The following SLC2A13 variants were observed in gnomAD, a reference collection of about 807,000 sequenced individuals.
SLC2A13 encodes the protein solute carrier family 2 member 13.
A neutral mutation model predicts 64.4 loss-of-function variants in SLC2A13; 32 were observed. That is an observed-to-expected ratio of 0.50 (90% CI 0.37 to 0.67). The LOEUF (loss-of-function observed/expected upper bound fraction) is 0.67. Ranked by LOEUF, SLC2A13 falls within the 30% of genes least tolerant of loss-of-function variation. The pLI is 0.00. For synonymous variants in SLC2A13, 338 were observed against 327.1 expected (o/e 1.03, Z -0.36); for missense variants, 743 against 829.2 (o/e 0.90, Z 1.28).
intron 3 of SLC2A13, among the ~76,000 whole-genome samples, chr12:39,970,621 C>T (rs939431243): frequency 6.6e-6 from 1 of 152,158 alleles, no homozygotes; most frequent in Admixed American, 6.6e-5. Context: ...GGTAATTCTA[C>T]CATGGCCTGT....
rs145198900 is a variant in SLC2A13 at position 39,945,122 on chromosome 12, T to G, written c.1034+6135A>C. 3.3e-3 allele frequency among the ~76,000 whole-genome samples: 496 copies of G among 152,326 alleles called. 4 individuals are homozygous for G. Among genetic ancestry groups the G allele is most frequent in the African/African-American group, 0.011 (475 of 41,568 alleles). ...TGTATCCTTCCTTCATATATGATGC[T>G]TAGTTTCTCTGGAAACAAAATTCTT... On this transcript the variant is annotated intron_variant, in intron 4 of 9. Coordinates refer to ENST00000280871, the MANE Select transcript of SLC2A13 (RefSeq NM_052885.4).
chr12:39,760,838 G>T (rs565596000), intron 9 of SLC2A13, among the ~76,000 whole-genome samples: 10 of 151,680 alleles, frequency 6.6e-5, no homozygotes, highest in Admixed American at 5.9e-4. Flanking sequence ...AGCCTAGATG[G>T]ATGAGATATA....
At chr12:40,090,849 T>A (rs1339803418) in intron 1 of SLC2A13, among the ~76,000 whole-genome samples, 1 of 152,216 alleles carries the variant, frequency 6.6e-6, no homozygotes, top group African/African-American at 2.4e-5. Context: ...CTATTTTATA[T>A]TATCTATGAA....
At chr12:39,878,653 A>C (rs1944257645) in intron 4 of SLC2A13, among the ~76,000 whole-genome samples, 1 of 152,328 alleles carries the variant, frequency 6.6e-6, no homozygotes, top group African/African-American at 2.4e-5. Flanking sequence ...GGAGAAAAGG[A>C]ATTACTTAAA....
At chr12:39,825,761 A>G (rs1942651374) in intron 7 of SLC2A13, among the ~76,000 whole-genome samples, 1 of 152,072 alleles carries the variant, frequency 6.6e-6, no homozygotes, top group Admixed American at 6.6e-5. Context: ...TTCTTTAAGA[A>G]CTTTTATTTT....
rs1478766505 is a variant in SLC2A13 at position 40,105,338 on chromosome 12, G to C, written c.471C>G (p.Leu157=). The C allele has an allele frequency of 1.3e-6, 2 of 1,596,052 alleles. No homozygotes were observed. The highest frequency in any genetic ancestry group is 2.3e-5 in the East Asian group (1 of 44,014). Residue 157 remains leucine (L), a synonymous_variant, in exon 1 of 10, where the codon CTC becomes CTG. Transcript: ENST00000280871. This position sits in a 1 kb window ranked among gnomAD's most constrained non-coding sequence, Gnocchi z 4.2. The part of the protein sequence containing the change: ...RRAAILLASA[L]FTAGSAVLAA... Reference sequence around the variant, plus strand: ...CCAGCACCGCGGAGCCGGCGGTGAAGAGGGCACTGGCCAGGAGGATGGCAG... The same window carrying C: ...CCAGCACCGCGGAGCCGGCGGTGAACAGGGCACTGGCCAGGAGGATGGCAG...
intron 4 of SLC2A13, among the ~76,000 whole-genome samples, chr12:39,879,830 C>T (rs957561046): frequency 1.3e-5 from 2 of 152,090 alleles, no homozygotes; most frequent in Non-Finnish European, 2.9e-5. Flanking sequence ...GTGAGAAGGA[C>T]ATGAGATTTG....
chr12:39,836,547 T>C (rs1271713922), intron 6 of SLC2A13, among the ~76,000 whole-genome samples: 2 of 151,270 alleles, frequency 1.3e-5, no homozygotes, highest in African/African-American at 4.9e-5. Context: ...GGAAGTCAAA[T>C]TGTCCCTGTT....
At chr12:39,780,774 T>G (rs1213265129) in intron 7 of SLC2A13, among the ~76,000 whole-genome samples, 2 of 152,154 alleles carry the variant, frequency 1.3e-5, no homozygotes, top group African/African-American at 2.4e-5. Flanking sequence ...TAATAATACA[T>G]ACACGAAAAC....
chr12:39,895,261 C>T (rs12424971), intron 4 of SLC2A13, among the ~76,000 whole-genome samples: 5,236 of 151,626 alleles, frequency 0.035, 210 homozygotes, highest in Admixed American at 0.12. Context: ...AAGGCCGAGG[C>T]GGGCGGATCA....
At chr12:39,841,499 T>C (rs1466286144) in intron 6 of SLC2A13, among the ~76,000 whole-genome samples, 1 of 152,104 alleles carries the variant, frequency 6.6e-6, no homozygotes, top group Non-Finnish European at 1.5e-5. Flanking sequence ...ATCAACATAG[T>C]TAAAAACCTC....
At chr12:40,065,013 C>T (rs975216134) in intron 1 of SLC2A13, among the ~76,000 whole-genome samples, 7 of 152,032 alleles carry the variant, frequency 4.6e-5, no homozygotes, top group African/African-American at 1.2e-4. Flanking sequence ...ATTTCTAATT[C>T]GTTCAGCAAA....
intron 7 of SLC2A13, among the ~76,000 whole-genome samples, chr12:39,793,229 C>A (rs1330470931): frequency 6.6e-6 from 1 of 152,130 alleles, no homozygotes; most frequent in South Asian, 2.1e-4. Flanking sequence ...AAAGAAAATT[C>A]TATTTATAAT....
intron 4 of SLC2A13, among the ~76,000 whole-genome samples, chr12:39,885,198 T>C (rs1037152504): frequency 1.3e-5 from 2 of 152,144 alleles, no homozygotes; most frequent in African/African-American, 4.8e-5. Flanking sequence ...GAACAGGAGC[T>C]AGGAAGGCCA....
At chr12:40,047,252 C>T (rs527456370) in intron 2 of SLC2A13, among the ~76,000 whole-genome samples, 3 of 152,266 alleles carry the variant, frequency 2.0e-5, no homozygotes, top group Non-Finnish European at 4.4e-5. Flanking sequence ...ACTGTAAAAG[C>T]CATGCAAACA....
chr12:39,766,814 C>T (rs1015393073), intron 7 of SLC2A13, among the ~76,000 whole-genome samples: 1 of 152,040 alleles, frequency 6.6e-6, no homozygotes, highest in Admixed American at 6.6e-5. Flanking sequence ...CTTATCCGTT[C>T]AAGTTTTATC....
At chr12:40,028,598 T>C in intron 2 of SLC2A13, 89 bp from the exon 3 acceptor site, 1 of 1,231,318 alleles carries the variant, frequency 8.1e-7, no homozygotes, top group Non-Finnish European at 1.1e-6. Flanking sequence ...TTGACAACAA[T>C]AATACTTACT....
At chr12:39,813,725 G>A (rs1307324793) in intron 7 of SLC2A13, among the ~76,000 whole-genome samples, 1 of 152,084 alleles carries the variant, frequency 6.6e-6, no homozygotes, top group Non-Finnish European at 1.5e-5. Flanking sequence ...GAAGCTTCAG[G>A]GAGACTTGAA....
intron 3 of SLC2A13, among the ~76,000 whole-genome samples, chr12:39,984,956 C>T (rs576705063): frequency 2.0e-5 from 3 of 152,204 alleles, no homozygotes; most frequent in African/African-American, 7.2e-5. Flanking sequence ...AAGAATCTGA[C>T]AATGATTTTT....
Sources: gnomAD v4.1 joint callset for allele counts (sites outside exome capture counted in the v4.1 genomes callset) on GRCh38, gnomAD v4.1.1 for gene constraint, Gnocchi (gnomAD v3.1) non-coding constraint, MANE v1.5 for transcripts, NCBI Gene and HGNC (gene_info 2026-07-23, HGNC 2026-07-21) for gene names.